SLC35F1: variants seen among roughly 807,000 people sequenced by gnomAD.
SLC35F1 encodes chromosome 6 open reading frame 169.
A neutral mutation model predicts 48.7 loss-of-function variants in SLC35F1; 14 were observed. The observed-to-expected ratio is 0.29, with a 90% CI of 0.19 to 0.45. SLC35F1 has a LOEUF of 0.45. Among genes scored for constraint, SLC35F1 ranks in the 20% least tolerant of loss-of-function variants. SLC35F1 has a pLI of 1.00. For synonymous variants in SLC35F1, 190 were observed against 202.2 expected, an observed-to-expected ratio of 0.94 and a Z score of 0.51; for missense variants, 404 against 500.0, an observed-to-expected ratio of 0.81 and a Z score of 1.83.
intron 2 of SLC35F1, among the ~76,000 whole-genome samples, chr6:118,180,579 T>C (rs1434334687): frequency 6.6e-6 from 1 of 151,996 alleles, no homozygotes; most frequent in Non-Finnish European, 1.5e-5. Flanking sequence ...GAAACCAATA[T>C]AGAGATAAAA....
chr6:118,117,962 T>A, intron 1 of SLC35F1, among the ~76,000 whole-genome samples: 1 of 152,170 alleles, frequency 6.6e-6, no homozygotes, highest in East Asian at 1.9e-4. Context: ...TATAGCACAA[T>A]TTGCTTATCT....
At chr6:118,008,294 A>G (rs545706867) in intron 1 of SLC35F1, among the ~76,000 whole-genome samples, 3 of 151,230 alleles carry the variant, frequency 2.0e-5, no homozygotes, top group Non-Finnish European at 2.9e-5. Context: ...AAAAAAAAGC[A>G]GCGACTATCA....
At chr6:118,261,393 A>C (rs1232047841) in intron 3 of SLC35F1, among the ~76,000 whole-genome samples, 1 of 152,200 alleles carries the variant, frequency 6.6e-6, no homozygotes, top group African/African-American at 2.4e-5. Flanking sequence ...GGCTGGCTCA[A>C]AATTATTCAG....
In SLC35F1 at chr6:118,066,516, T is replaced by A. The variant is rs184793022; in HGVS notation, c.174-87929T>A. 7.7e-3 allele frequency among the ~76,000 whole-genome samples: 1,175 copies of A among 152,284 alleles called. 5 individuals carry two copies. The highest frequency in any genetic ancestry group is 0.013 in the Non-Finnish European group (899 of 68,012). ...CCCTAGTTGAGCCTCCAGATAAGAATGCAGCCAGCCAATCCCTTAACTGCA... is the reference window on the plus strand; with the variant it reads ...CCCTAGTTGAGCCTCCAGATAAGAAAGCAGCCAGCCAATCCCTTAACTGCA... On this transcript the variant is annotated intron_variant, in intron 1 of 7. Coordinates refer to ENST00000360388, the MANE Select transcript of SLC35F1 (RefSeq NM_001029858.4).
intron 2 of SLC35F1, among the ~76,000 whole-genome samples, chr6:118,229,505 C>T (rs752334137): frequency 8.5e-5 from 13 of 152,078 alleles, no homozygotes; most frequent in African/African-American, 9.7e-5. Flanking sequence ...AGGAAAGATC[C>T]GTTAATGAGA....
intron 4 of SLC35F1, among the ~76,000 whole-genome samples, chr6:118,274,192 C>A (rs1173232559): frequency 6.6e-6 from 1 of 152,096 alleles, no homozygotes; most frequent in Non-Finnish European, 1.5e-5. Context: ...GTCAGCTGAG[C>A]TCCTGCACTG....
At chr6:118,291,499 A>ATTGTCTTT (rs1776122766) in intron 7 of SLC35F1, among the ~76,000 whole-genome samples, 1 of 152,052 alleles carries the variant, frequency 6.6e-6, no homozygotes, top group Non-Finnish European at 1.5e-5. Flanking sequence ...CCATTCTGTG[A>ATTGTCTTT]TTGTCTTTTT....
chr6:117,960,262 A>C (rs1181118293), intron 1 of SLC35F1, among the ~76,000 whole-genome samples: 2 of 151,024 alleles, frequency 1.3e-5, no homozygotes, highest in Non-Finnish European at 3.0e-5. Context: ...CAAACTGTCT[A>C]AACTGTATAA....
intron 1 of SLC35F1, among the ~76,000 whole-genome samples, chr6:118,015,320 G>A (rs1214548670): frequency 1.3e-5 from 2 of 152,004 alleles, no homozygotes; most frequent in African/African-American, 4.8e-5. Flanking sequence ...AGGTTCAGGG[G>A]TACATATGCA....
rs756765575 is a variant in SLC35F1 at position 117,907,732 on chromosome 6, C to G, written c.6C>G (p.Ile2Met). 2.0e-6 allele frequency: 3 copies of G among 1,523,342 alleles called. No homozygotes were observed. Among genetic ancestry groups the G allele is most frequent in the East Asian group, 5.4e-5 (2 of 37,368 alleles). 94.4% of individuals were successfully genotyped at this position (1,523,342 alleles called of 1,614,324 possible). MIPPEQPQQQLQ... is the reference protein window; with the variant it reads MMPPEQPQQQLQ... The stretch of plus-strand genomic sequence containing the variant: ...GCGCCTCAGCCTCTGCCGCGATGAT[C>G]CCCCCTGAGCAGCCGCAGCAGCAGC... Residue 2 changes from isoleucine (I) to methionine (M), a missense_variant, in exon 1 of 8, where the codon ATC becomes ATG. Ile to Met is a conservative substitution (Grantham distance 10). Transcript: ENST00000360388.
chr6:118,226,961 C>A (rs1445991133), intron 2 of SLC35F1, among the ~76,000 whole-genome samples: 1 of 152,104 alleles, frequency 6.6e-6, no homozygotes, highest in Non-Finnish European at 1.5e-5. Context: ...AAAATATGTA[C>A]ATCTAATATG....
rs60638949 is a variant in SLC35F1 at position 118,269,178 on chromosome 6, G to A, written c.637+2024G>A. Among the ~76,000 whole-genome samples the A allele has an allele frequency of 9.7e-4, 147 of 152,280 alleles. 2 individuals are homozygous for A. In the East Asian group the frequency reaches 0.026, roughly 27 times the overall value. ...TTTTAAATGAAGTGTTAGAAAAGAA[G>A]CAAAACTGCTTAAGAAAAAGAAAGT... On this transcript the variant is annotated intron_variant, in intron 4 of 7. Transcript: ENST00000360388.
intron 1 of SLC35F1, among the ~76,000 whole-genome samples, chr6:117,920,496 C>T (rs1485350915): frequency 6.6e-6 from 1 of 152,160 alleles, no homozygotes; most frequent in Non-Finnish European, 1.5e-5. Flanking sequence ...AAGTCTGAAA[C>T]GTCACAACCA....
intron 1 of SLC35F1, among the ~76,000 whole-genome samples, chr6:118,005,957 T>A (rs1777167741): frequency 6.6e-6 from 1 of 152,202 alleles, no homozygotes; most frequent in East Asian, 1.9e-4. Context: ...TGTTAATTAT[T>A]TTTGTTAATT....
chr6:117,948,771 T>C (rs1397440215), intron 1 of SLC35F1, among the ~76,000 whole-genome samples: 2 of 152,130 alleles, frequency 1.3e-5, no homozygotes, highest in African/African-American at 2.4e-5. Context: ...AGGGATTCGT[T>C]AAGCAAACTC....
In SLC35F1 at chr6:118,259,019, A is replaced by G. The variant is rs146757694; in HGVS notation, c.478-7976A>G. On this transcript the variant is annotated intron_variant, in intron 3 of 7. Coordinates refer to ENST00000360388, the MANE Select transcript of SLC35F1 (RefSeq NM_001029858.4). ...AATGAGCTTATAAATAAATATTTAAACCCATAATTTTTTTAAAGCTATAAA... is the reference window on the plus strand; with the variant it reads ...AATGAGCTTATAAATAAATATTTAAGCCCATAATTTTTTTAAAGCTATAAA... Among the ~76,000 whole-genome samples, 1,321 of 151,934 alleles carry G rather than the reference A, an allele frequency of 8.7e-3. 11 individuals carry two copies. Among genetic ancestry groups the G allele is most frequent in the Non-Finnish European group, 0.015 (1,009 of 67,832 alleles).
intron 1 of SLC35F1, among the ~76,000 whole-genome samples, chr6:117,945,667 A>T (rs964484219): frequency 5.3e-5 from 8 of 152,158 alleles, no homozygotes; most frequent in African/African-American, 1.7e-4. Flanking sequence ...TGCTTTCAGT[A>T]TTGCAGGTTT....
At chr6:117,959,783 G>A (rs915610713) in intron 1 of SLC35F1, among the ~76,000 whole-genome samples, 1 of 146,084 alleles carries the variant, frequency 6.8e-6, no homozygotes, top group African/African-American at 2.4e-5. Flanking sequence ...CATAAAGAAT[G>A]CTACTTATAA....
chr6:118,164,836 A>T (rs1433053406), intron 2 of SLC35F1, among the ~76,000 whole-genome samples: 3 of 152,214 alleles, frequency 2.0e-5, no homozygotes, highest in Admixed American at 2.0e-4. Context: ...AGTGTAATTC[A>T]TAGAAGGATC....
Sources: allele counts gnomAD v4.1 joint callset (sites outside exome capture counted in the v4.1 genomes callset), GRCh38; gene constraint gnomAD v4.1.1; transcripts MANE v1.5; gene names NCBI Gene and HGNC (gene_info 2026-07-23, HGNC 2026-07-21).